The following LRCH2 variants were observed in gnomAD, a reference collection of about 807,000 sequenced individuals.
The protein encoded by LRCH2 is leucine-rich repeat and calponin homology domain-containing protein 2.
In LRCH2, 38 loss-of-function variants were observed where a neutral mutation model predicts 68.9. That is an observed-to-expected ratio of 0.55 (90% CI 0.43 to 0.72). LRCH2 has a LOEUF of 0.72. Ranked by LOEUF, LRCH2 falls within the 30% of genes least tolerant of loss-of-function variation. LRCH2 has a pLI of 0.00. For missense variants in LRCH2, 528 were observed against 572.9 expected (o/e 0.92, Z 0.80); for synonymous variants, 191 against 208.1 (o/e 0.92, Z 0.71).
intron 1 of LRCH2, among the ~76,000 whole-genome samples, chrX:115,219,837 T>C (rs1360193861): frequency 2.7e-5 from 3 of 111,802 alleles, no homozygotes; most frequent in Admixed American, 9.5e-5. Context: ...TATCTTACCA[T>C]GTATCAAGGA....
rs1556579426 is a variant in LRCH2 at position 115,233,957 on chromosome X, C to G, written c.85G>C (p.Gly29Arg). 4.3e-6 allele frequency: 5 copies of G among 1,164,768 alleles called. No homozygotes were observed. The highest frequency in any genetic ancestry group is 5.7e-6 in the Non-Finnish European group (5 of 871,516). Residue 29 changes from glycine to arginine, a missense_variant, in exon 1 of 21, where the codon GGA becomes CGA. Transcript: ENST00000317135. ...GGSSGGCGTA[G>R]GGGGGAGGGG... ...CCTCCAGCCCCGCCACCTCCCCCTCCAGCCGTGCCACAGCCACCGCTACTT... is the reference window on the plus strand; with the variant it reads ...CCTCCAGCCCCGCCACCTCCCCCTCGAGCCGTGCCACAGCCACCGCTACTT...
intron 1 of LRCH2, among the ~76,000 whole-genome samples, chrX:115,208,929 A>G (rs2072987921): frequency 8.9e-6 from 1 of 112,110 alleles, no homozygotes; most frequent in African/African-American, 3.2e-5. Flanking sequence ...AGCAGAGGGA[A>G]ATTAAACAGA....
chrX:115,133,444 GATTTT>G (rs1367313379), intron 14 of LRCH2, among the ~76,000 whole-genome samples: 1 of 111,886 alleles, frequency 8.9e-6, no homozygotes, highest in African/African-American at 3.2e-5. Flanking sequence ...TTGTTCCAGT[GATTTT>G]ATTTATCGGG....
chrX:115,192,430 G>C, intron 1 of LRCH2: 1 of 1,167,098 alleles, frequency 8.6e-7, no homozygotes, highest in Middle Eastern at 2.3e-4. Flanking sequence ...CTACAGCGGC[G>C]ACCACGACAG....
chrX:115,219,922 T>G (rs1442467754), intron 1 of LRCH2, among the ~76,000 whole-genome samples: 2 of 111,448 alleles, frequency 1.8e-5, no homozygotes, highest in African/African-American at 3.3e-5. Flanking sequence ...TGTGGGTACA[T>G]GCAAGATCAC....
chrX:115,187,234 G>A (rs1041891046), intron 2 of LRCH2, among the ~76,000 whole-genome samples: 5 of 111,757 alleles, frequency 4.5e-5, no homozygotes, highest in African/African-American at 1.3e-4. Context: ...ACAGTGAGAA[G>A]GGAACATTAT....
rs1279569578 is a variant in LRCH2 at position 115,112,533 on chromosome X, A to G, written c.*683T>C. On this transcript the variant is annotated 3_prime_UTR_variant, in exon 21 of 21. Transcript: ENST00000317135. ...AATCCTCACATATTACTGACTTTAC[A>G]AAATCTACTAAAATATTTTAAAGTT... 4 of 111,626 alleles carry G rather than the reference A, an allele frequency of 3.6e-5. No individual in the cohort carries two copies. The highest frequency in any genetic ancestry group is 1.3e-4 in the African/African-American group (4 of 30,768). 9.2% of individuals were successfully genotyped at this position (111,626 alleles called of 1,213,427 possible). A position where few individuals can be genotyped will look rare whatever the true frequency, so the allele number is the denominator to read the frequency against.
chrX:115,215,634 G>A (rs1454363660), intron 1 of LRCH2, among the ~76,000 whole-genome samples: 1 of 108,026 alleles, frequency 9.3e-6, no homozygotes, highest in Non-Finnish European at 1.9e-5. Context: ...GGTGCCGTGT[G>A]CCTGTAGTCC....
At position 115,112,504 on chromosome X, in the gene LRCH2, T is replaced by C. The variant is rs1467763712; in HGVS notation, c.*712A>G. The C allele has an allele frequency of 8.9e-6, 1 of 111,781 alleles. No individual in the cohort carries two copies. The highest frequency in any genetic ancestry group is 1.9e-5 in the Non-Finnish European group (1 of 52,899). The allele number at this position is 111,781 out of a possible 1,213,427, so 9.2% of individuals were successfully genotyped here. A position where few individuals can be genotyped will look rare whatever the true frequency, so the allele number is the denominator to read the frequency against. On this transcript the variant is annotated 3_prime_UTR_variant, in exon 21 of 21. Coordinates refer to ENST00000317135, the MANE Select transcript of LRCH2 (RefSeq NM_020871.4). ...CACAAATGTCACAATGTGAGGCTCATTTAAATCCTCACATATTACTGACTT... is the reference window on the plus strand; with the variant it reads ...CACAAATGTCACAATGTGAGGCTCACTTAAATCCTCACATATTACTGACTT...
At chrX:115,194,677 T>C (rs781984197) in intron 1 of LRCH2, among the ~76,000 whole-genome samples, 55 of 111,575 alleles carry the variant, frequency 4.9e-4, no homozygotes, top group Non-Finnish European at 8.5e-4. Flanking sequence ...ATTTTGAAAT[T>C]AGTACTCATA....
chrX:115,192,777 C>A, intron 1 of LRCH2: 1 of 639,052 alleles, frequency 1.6e-6, no homozygotes, highest in Non-Finnish European at 2.4e-6. Context: ...GTTAAGATCT[C>A]CATTTTTATG....
chrX:115,212,404 A>G (rs1301225654), intron 1 of LRCH2, among the ~76,000 whole-genome samples: 2 of 112,131 alleles, frequency 1.8e-5, no homozygotes, highest in Non-Finnish European at 3.8e-5. Context: ...ATTTTATTCA[A>G]CATTAAGCAT....
At chrX:115,140,616 T>A (rs2072328529) in intron 14 of LRCH2, among the ~76,000 whole-genome samples, 1 of 108,374 alleles carries the variant, frequency 9.2e-6, no homozygotes. Flanking sequence ...AAGCCAGAAT[T>A]CAGGGTGAGT....
intron 12 of LRCH2, among the ~76,000 whole-genome samples, chrX:115,152,943 A>C (rs2072444034): frequency 9.0e-6 from 1 of 110,738 alleles, no homozygotes; most frequent in African/African-American, 3.3e-5. Flanking sequence ...GATGGTGGAG[A>C]AACCTCTTCA....
chrX:115,222,028 T>C (rs1440625781), intron 1 of LRCH2, among the ~76,000 whole-genome samples: 9 of 110,908 alleles, frequency 8.1e-5, no homozygotes, highest in East Asian at 5.7e-4. Context: ...GGCTGGAATG[T>C]AGAGGTCCGA....
chrX:115,221,948 A>G (rs188315198), intron 1 of LRCH2, among the ~76,000 whole-genome samples: 23 of 110,305 alleles, frequency 2.1e-4, no homozygotes, highest in Admixed American at 2.0e-3. Flanking sequence ...GAAAAAAAAA[A>G]AAAAAGAAAA....
At chrX:115,180,348 G>T (rs947827706) in intron 3 of LRCH2, among the ~76,000 whole-genome samples, 1 of 110,435 alleles carries the variant, frequency 9.1e-6, no homozygotes, top group Admixed American at 9.8e-5. Flanking sequence ...GTTATCTAAG[G>T]TGTCTCTCAG....
intron 1 of LRCH2, among the ~76,000 whole-genome samples, chrX:115,205,704 C>T (rs937689694): frequency 8.1e-5 from 9 of 111,205 alleles, no homozygotes; most frequent in African/African-American, 1.3e-4. Context: ...TTTGGGAGGC[C>T]GAGGCAGGTG....
chrX:115,185,949 T>G (rs1326899653), intron 2 of LRCH2, among the ~76,000 whole-genome samples: 1 of 111,832 alleles, frequency 8.9e-6, no homozygotes, highest in Non-Finnish European at 1.9e-5. Flanking sequence ...ATTTTACAAG[T>G]TTATTAAGAG....
Sources: allele counts gnomAD v4.1 joint callset (sites outside exome capture counted in the v4.1 genomes callset), GRCh38; gene constraint gnomAD v4.1.1; transcripts MANE v1.5; gene names NCBI Gene and HGNC (gene_info 2026-07-23, HGNC 2026-07-21).